The following MAML3 variants were observed in gnomAD, a reference collection of about 807,000 sequenced individuals.
MAML3 encodes mastermind like transcriptional coactivator 3, also known as mastermind-like protein 3.
In MAML3, 27 loss-of-function variants were observed where a neutral mutation model predicts 101.9. That is an observed-to-expected ratio of 0.27 (90% CI 0.20 to 0.37). The LOEUF (loss-of-function observed/expected upper bound fraction) is 0.37. Ranked by LOEUF, MAML3 falls within the 10% of genes least tolerant of loss-of-function variation. MAML3 has a pLI of 1.00. For missense variants in MAML3, 1,316 were observed against 1,444.9 expected, an observed-to-expected ratio of 0.91 and a Z score of 1.45; for synonymous variants, 501 against 555.9, an observed-to-expected ratio of 0.90 and a Z score of 1.39.
intron 2 of MAML3, among the ~76,000 whole-genome samples, chr4:139,799,506 T>C (rs1730569069): frequency 6.6e-6 from 1 of 152,176 alleles, no homozygotes; most frequent in South Asian, 2.1e-4. Context: ...CTTTAAACCC[T>C]GGGCAGTGGA....
At chr4:139,868,444 A>T (rs766297559) in intron 2 of MAML3, among the ~76,000 whole-genome samples, 22 of 152,214 alleles carry the variant, frequency 1.4e-4, no homozygotes, top group Non-Finnish European at 2.6e-4. Flanking sequence ...TCTTTGAAAG[A>T]TCATAACATT....
intron 2 of MAML3, among the ~76,000 whole-genome samples, chr4:139,786,709 G>A (rs904241079): frequency 1.3e-5 from 2 of 152,178 alleles, no homozygotes; most frequent in African/African-American, 4.8e-5. Flanking sequence ...CACCGGGCAG[G>A]CTGTGTTCAC....
At chr4:139,778,531 T>G (rs985953075) in intron 2 of MAML3, among the ~76,000 whole-genome samples, 3 of 152,194 alleles carry the variant, frequency 2.0e-5, no homozygotes, top group African/African-American at 7.2e-5. Context: ...AACCATTGAG[T>G]TGGATCACCT....
At chr4:140,122,286 A>G (rs1304060160) in intron 1 of MAML3, among the ~76,000 whole-genome samples, 1 of 148,704 alleles carries the variant, frequency 6.7e-6, no homozygotes, top group Non-Finnish European at 1.5e-5. Flanking sequence ...CAATAGCGCA[A>G]TCTCGGCTCA....
At chr4:139,795,424 G>A (rs1418301221) in intron 2 of MAML3, among the ~76,000 whole-genome samples, 2 of 152,182 alleles carry the variant, frequency 1.3e-5, no homozygotes, top group Non-Finnish European at 2.9e-5. Flanking sequence ...GTTTCTGAAT[G>A]CATTTTAGTT....
chr4:139,885,719 C>T (rs1442470547), intron 2 of MAML3, among the ~76,000 whole-genome samples: 7 of 147,268 alleles, frequency 4.8e-5, no homozygotes. Context: ...GTCAGGAGAT[C>T]GAGACCATCC....
chr4:139,959,984 C>A (rs1182419674), intron 1 of MAML3, among the ~76,000 whole-genome samples: 1 of 152,108 alleles, frequency 6.6e-6, no homozygotes, highest in African/African-American at 2.4e-5. Context: ...TAGACACAGA[C>A]AAATTGAAAA....
At chr4:139,865,578 G>A (rs561979199) in intron 2 of MAML3, among the ~76,000 whole-genome samples, 2 of 151,308 alleles carry the variant, frequency 1.3e-5, no homozygotes, top group African/African-American at 4.9e-5. Flanking sequence ...CAGGTTCTGG[G>A]CTTCTCCCTT....
intron 2 of MAML3, among the ~76,000 whole-genome samples, chr4:139,809,291 A>T (rs1217243828): frequency 1.3e-5 from 2 of 152,216 alleles, no homozygotes; most frequent in African/African-American, 4.8e-5. Flanking sequence ...ACATTTTTAA[A>T]TGGGGAAGGA....
At chr4:139,909,286 G>A (rs1488157286) in intron 1 of MAML3, among the ~76,000 whole-genome samples, 1 of 152,178 alleles carries the variant, frequency 6.6e-6, no homozygotes, top group Non-Finnish European at 1.5e-5. Context: ...AAGCATTAAG[G>A]AAATTACTCA....
chr4:139,862,967 T>C (rs968017525), intron 2 of MAML3, among the ~76,000 whole-genome samples: 3 of 151,970 alleles, frequency 2.0e-5, no homozygotes, highest in Non-Finnish European at 4.4e-5. Context: ...CTGGCCAACA[T>C]GGTGAAACCC....
chr4:140,067,747 G>A lies in MAML3; in HGVS notation c.468+85113C>T, dbSNP rs532278233. 2.8e-3 allele frequency among the ~76,000 whole-genome samples: 119 copies of A among 42,304 alleles called. 1 individual carries two copies. The highest frequency in any genetic ancestry group is 4.9e-3 in the Admixed American group (18 of 3,674). 27.8% of individuals were successfully genotyped at this position (42,304 alleles called of 152,430 possible). A position where few individuals can be genotyped will look rare whatever the true frequency, so the allele number is the denominator to read the frequency against. On this transcript the variant is annotated intron_variant, in intron 1 of 4. Transcript: ENST00000509479. ...TAATCTTTTTTTTTTTTTTTTTTTT[G>A]AGATGGAGCTTCACTCCTGTTGCCC...
At chr4:140,060,454 A>C (rs1176829064) in intron 1 of MAML3, among the ~76,000 whole-genome samples, 4 of 151,038 alleles carry the variant, frequency 2.6e-5, no homozygotes, top group African/African-American at 9.7e-5. Flanking sequence ...TTTAACCCCC[A>C]ATATGCTTCC....
intron 2 of MAML3, among the ~76,000 whole-genome samples, chr4:139,810,398 C>T (rs1156968153): frequency 6.6e-6 from 1 of 151,988 alleles, no homozygotes; most frequent in East Asian, 1.9e-4. Context: ...CTATGTTGCC[C>T]AGGCTGATCT....
intron 2 of MAML3, among the ~76,000 whole-genome samples, chr4:139,751,933 A>C (rs1186198850): frequency 6.6e-6 from 1 of 152,216 alleles, no homozygotes; most frequent in Non-Finnish European, 1.5e-5. Context: ...GAGACCTCCA[A>C]GGAGCCTCCA....
chr4:140,101,593 C>T (rs1421549670), intron 1 of MAML3, among the ~76,000 whole-genome samples: 1 of 152,116 alleles, frequency 6.6e-6, no homozygotes, highest in East Asian at 1.9e-4. Flanking sequence ...CCATCCACAT[C>T]TCTTGTGTAT....
At chr4:139,933,407 C>G (rs1452638531) in intron 1 of MAML3, among the ~76,000 whole-genome samples, 1 of 152,208 alleles carries the variant, frequency 6.6e-6, no homozygotes, top group Non-Finnish European at 1.5e-5. Flanking sequence ...GAAAACACCC[C>G]AAACCATCTT....
chr4:139,997,153 C>T (rs988440145), intron 1 of MAML3, among the ~76,000 whole-genome samples: 2 of 150,004 alleles, frequency 1.3e-5, no homozygotes, highest in Non-Finnish European at 1.5e-5. Flanking sequence ...TATATACACA[C>T]ACATTATATA....
chr4:139,995,002 T>C (rs1734776339), intron 1 of MAML3, among the ~76,000 whole-genome samples: 1 of 152,214 alleles, frequency 6.6e-6, no homozygotes. Context: ...TTCATCATTA[T>C]ATATGATGTT....
Sources: gnomAD v4.1 joint callset for allele counts (sites outside exome capture counted in the v4.1 genomes callset) on GRCh38, gnomAD v4.1.1 for gene constraint, MANE v1.5 for transcripts, NCBI Gene and HGNC (gene_info 2026-07-23, HGNC 2026-07-21) for gene names.